Variants in ZNF654 observed in about 807,000 individuals in gnomAD.
ZNF654 encodes the protein zinc finger protein 654, also known as melanoma-associated antigen.
A neutral mutation model predicts 95.3 loss-of-function variants in ZNF654; 19 were observed. That is an observed-to-expected ratio of 0.20 (90% confidence interval 0.14 to 0.29). The LOEUF is 0.29. ZNF654 is among the 10% of genes least tolerant of loss of function. The pLI is 1.00. For synonymous variants in ZNF654, 413 were observed against 457.9 expected (o/e 0.90, Z 1.25); for missense variants, 1,046 against 1,341.0 (o/e 0.78, Z 3.44).
chr3:88,133,788 G>A (rs1452920974), intron 6 of ZNF654, among the ~76,000 whole-genome samples: 2 of 152,078 alleles, frequency 1.3e-5, no homozygotes, highest in Admixed American at 1.3e-4. Flanking sequence ...AGAAATACAT[G>A]TGTAAAATTA....
intron 1 of ZNF654, among the ~76,000 whole-genome samples, chr3:88,068,383 T>A (rs1707320978): frequency 6.6e-6 from 1 of 152,072 alleles, no homozygotes; most frequent in Non-Finnish European, 1.5e-5. Context: ...AGAAGAAAAG[T>A]GGTTGTATCA....
At chr3:88,075,991 G>T (rs183350483) in intron 1 of ZNF654, among the ~76,000 whole-genome samples, 1 of 152,218 alleles carries the variant, frequency 6.6e-6, no homozygotes, top group Admixed American at 6.5e-5. Context: ...ACTTCCCTGA[G>T]ACCTAACTTT....
At chr3:88,066,859 G>A (rs1239643762) in intron 1 of ZNF654, among the ~76,000 whole-genome samples, 1 of 152,108 alleles carries the variant, frequency 6.6e-6, no homozygotes, top group Non-Finnish European at 1.5e-5. Flanking sequence ...GATATGTGAA[G>A]AAATAAAATA....
intron 3 of ZNF654, among the ~76,000 whole-genome samples, chr3:88,114,995 G>A (rs1031222895): frequency 4.6e-5 from 7 of 152,102 alleles, no homozygotes; most frequent in African/African-American, 1.7e-4. Context: ...CCCTAGCTCC[G>A]CAGTGGTTCT....
At chr3:88,077,149 A>AT (rs1050152813) in intron 1 of ZNF654, among the ~76,000 whole-genome samples, 1 of 152,292 alleles carries the variant, frequency 6.6e-6, no homozygotes, top group Non-Finnish European at 1.5e-5. Context: ...CATGTCCAGA[A>AT]TTTGGGAAGA....
At chr3:88,101,283 A>C (rs1254212712) in intron 2 of ZNF654, among the ~76,000 whole-genome samples, 1 of 152,166 alleles carries the variant, frequency 6.6e-6, no homozygotes, top group Non-Finnish European at 1.5e-5. Flanking sequence ...TTCAGTCCCC[A>C]GTGCCTACCC....
At chr3:88,089,085 T>G (rs2107672163) in intron 2 of ZNF654, among the ~76,000 whole-genome samples, 1 of 151,660 alleles carries the variant, frequency 6.6e-6, no homozygotes, top group Admixed American at 6.6e-5. Flanking sequence ...AAAAAAACTG[T>G]ATTAAAAAAA....
chr3:88,111,354 G>C (rs550866569), intron 2 of ZNF654, among the ~76,000 whole-genome samples: 1 of 151,824 alleles, frequency 6.6e-6, no homozygotes, highest in East Asian at 1.9e-4. Context: ...TATCCTGCTA[G>C]ATAGTCTGAC....
intron 2 of ZNF654, among the ~76,000 whole-genome samples, chr3:88,106,826 G>A (rs1371182483): frequency 6.6e-5 from 10 of 151,846 alleles, no homozygotes; most frequent in African/African-American, 2.2e-4. Context: ...TCTGATATTT[G>A]TCCTGTATAA....
chr3:88,113,104 A>C lies in ZNF654; in HGVS notation c.333-11A>C. On this transcript the variant is annotated splice_polypyrimidine_tract_variant and intron_variant, in intron 2 of 8. Coordinates refer to ENST00000636215, the MANE Select transcript of ZNF654 (RefSeq NM_001350134.2). ...AAGAAGCAATGAAAGTTATTCACTT[A>C]TTCTTTCTAGGAGTTTCTTTGAGTT... 1 of 1,517,344 alleles carries C rather than the reference A, an allele frequency of 6.6e-7. No homozygotes were observed. Among genetic ancestry groups the C allele is most frequent in the South Asian group, 1.2e-5 (1 of 82,910 alleles). 94.0% of individuals were successfully genotyped at this position (1,517,344 alleles called of 1,614,324 possible).
intron 1 of ZNF654, among the ~76,000 whole-genome samples, chr3:88,073,119 G>A (rs1396555558): frequency 6.6e-6 from 1 of 152,156 alleles, no homozygotes; most frequent in Non-Finnish European, 1.5e-5. Flanking sequence ...GGTTCCTAAT[G>A]TGTGGATCTC....
intron 1 of ZNF654, among the ~76,000 whole-genome samples, chr3:88,061,452 T>G (rs1706879527): frequency 6.6e-6 from 1 of 152,206 alleles, no homozygotes. Context: ...TATGTTAGAC[T>G]GACATACTTT....
chr3:88,119,148 A>G (rs1398725597), intron 3 of ZNF654, among the ~76,000 whole-genome samples: 12 of 147,774 alleles, frequency 8.1e-5, no homozygotes, highest in Non-Finnish European at 1.5e-4. Context: ...ATGTCCAACA[A>G]TGATAGACTG....
At chr3:88,141,161 T>C (rs762842950) in intron 8 of ZNF654, 113 bp downstream of exon 8, 154 of 1,219,146 alleles carry the variant, frequency 1.3e-4, no homozygotes, top group Non-Finnish European at 1.6e-4. Flanking sequence ...GCACAGGTAG[T>C]GAAGCATTAC....
In ZNF654 at chr3:88,126,148, C is replaced by G; in HGVS notation, c.429C>G (p.His143Gln). 6.6e-7 allele frequency: 1 copy of G among 1,515,518 alleles called. No homozygotes were observed. Among genetic ancestry groups the G allele is most frequent in the South Asian group, 1.2e-5 (1 of 81,044 alleles). 93.9% of individuals were successfully genotyped at this position (1,515,518 alleles called of 1,614,324 possible). A position where few individuals can be genotyped will look rare whatever the true frequency, so the allele number is the denominator to read the frequency against. ...TTCTCTCCTAGGAATGCCAGAATCA[C>G]CTCCGCAGATATGGAAATGTGAATC... ...ILGSFQECQN[H>Q]LRRYGNVNLE... The change falls in exon 4 of 9, where the codon CAC becomes CAG. Residue 143 changes from histidine (H) to glutamine (Q), a missense_variant. Physicochemically the swap from His to Gln is conservative, Grantham distance 24. Around this residue, in one of 9 missense-constraint regions of ZNF654, gnomAD observed 91 missense variants for 190.5 expected, o/e 0.48. Transcript: ENST00000636215.
chr3:88,071,297 G>A (rs965767848), intron 1 of ZNF654, among the ~76,000 whole-genome samples: 1 of 151,742 alleles, frequency 6.6e-6, no homozygotes. Flanking sequence ...ATCACCTGAG[G>A]TCAGGAGTTT....
Position 88,130,617 on chromosome 3 carries a change from ATTTTTTTT to A in ZNF654, c.893+802_893+809del, listed in dbSNP as rs10674029. Among the ~76,000 whole-genome samples the A allele has an allele frequency of 3.1e-5, 4 of 129,206 alleles. 1 individual carries two copies. In the South Asian group the frequency reaches 7.3e-4, roughly 24 times the overall value. 84.8% of individuals were successfully genotyped at this position (129,206 alleles called of 152,430 possible). A position where few individuals can be genotyped will look rare whatever the true frequency, so the allele number is the denominator to read the frequency against. ...AGATGTGTGCAACCATGCCCAGCTA[ATTTTTTTT>A]TTTTTTTTTTGGTAGAGATGGGGAT... On this transcript the variant is annotated intron_variant, in intron 6 of 8. Coordinates refer to ENST00000636215, the MANE Select transcript of ZNF654 (RefSeq NM_001350134.2).
intron 1 of ZNF654, among the ~76,000 whole-genome samples, chr3:88,068,115 G>A (rs1224616114): frequency 2.0e-5 from 3 of 151,888 alleles, no homozygotes; most frequent in Non-Finnish European, 4.4e-5. Context: ...GGAGGTGGTT[G>A]GTAGCTGATT....
At chr3:88,060,327 A>G (rs1706795058) in intron 1 of ZNF654, among the ~76,000 whole-genome samples, 1 of 152,118 alleles carries the variant, frequency 6.6e-6, no homozygotes, top group Non-Finnish European at 1.5e-5. Flanking sequence ...CAGGGGTTTG[A>G]TGTTGTTCAA....
Sources: gnomAD v4.1 joint callset for allele counts (sites outside exome capture counted in the v4.1 genomes callset) on GRCh38, gnomAD v4.1.1 for gene constraint, gnomAD v4.1.1 regional missense constraint, MANE v1.5 for transcripts, NCBI Gene and HGNC (gene_info 2026-07-23, HGNC 2026-07-21) for gene names.